Variants in ABCA13 observed in about 807,000 individuals in gnomAD.
ABCA13 encodes ATP-binding cassette sub-family A member 13.
A neutral mutation model predicts 478.7 loss-of-function variants in ABCA13; 476 were observed. That is an observed-to-expected ratio of 0.99 (90% CI 0.92 to 1.07). ABCA13 has a LOEUF of 1.07. Ranked by LOEUF, ABCA13 falls within the 50% of genes least tolerant of loss-of-function variation. ABCA13 has a pLI of 0.00. For missense variants in ABCA13, 6,060 were observed against 5,910.6 expected (o/e 1.03, Z -0.83); for synonymous variants, 2,252 against 2,158.9 (o/e 1.04, Z -1.20).
At chr7:48,623,322 G>T (rs1053285291) in intron 59 of ABCA13, among the ~76,000 whole-genome samples, 1 of 151,960 alleles carries the variant, frequency 6.6e-6, no homozygotes, top group African/African-American at 2.4e-5. Context: ...TTATTTCTTC[G>T]TTATCCTTTT....
chr7:48,500,680 C>T (rs2130807770), intron 48 of ABCA13, among the ~76,000 whole-genome samples: 1 of 152,254 alleles, frequency 6.6e-6, no homozygotes, highest in Admixed American at 6.5e-5. Flanking sequence ...TAAACCAAAA[C>T]ATTGCATGGG....
rs1455774083 is a variant in ABCA13 at position 48,370,598 on chromosome 7, A to T, written c.10804-1570A>T. Among the ~76,000 whole-genome samples the T allele has an allele frequency of 2.6e-5, 4 of 152,206 alleles. No individual in the cohort carries two copies. In the South Asian group the frequency reaches 8.3e-4, roughly 31 times the overall value. On this transcript the variant is annotated intron_variant, in intron 32 of 61. Transcript: ENST00000435803. ...AACTACAAAAAGAACACTCAAAACC[A>T]TGCAAATACATGGAAATTAAATAAC...
At chr7:48,431,342 A>AAACAACAACAACAAC (rs56675430) in intron 42 of ABCA13, among the ~76,000 whole-genome samples, 12 of 147,926 alleles carry the variant, frequency 8.1e-5, no homozygotes, top group African/African-American at 1.3e-4. Context: ...ATTCTGTCTC[A>AAACAACAACAACAAC]AACAACAACA....
intron 1 of ABCA13, 25 bp downstream of exon 1, chr7:48,171,577 T>A: frequency 4.6e-6 from 7 of 1,535,974 alleles, no homozygotes; most frequent in Non-Finnish European, 6.1e-6. Context: ...TGGTTTTCCA[T>A]AGGGTTCCAG....
intron 25 of ABCA13, among the ~76,000 whole-genome samples, chr7:48,313,753 T>A (rs1425944520): frequency 6.6e-6 from 1 of 152,176 alleles, no homozygotes; most frequent in Non-Finnish European, 1.5e-5. Context: ...GTGGAAATTT[T>A]AGGGTTGGAC....
chr7:48,447,553 C>T (rs1406742664), intron 42 of ABCA13, among the ~76,000 whole-genome samples: 1 of 152,134 alleles, frequency 6.6e-6, no homozygotes, highest in Non-Finnish European at 1.5e-5. Context: ...GAAAACTGCT[C>T]CTGAATGAGG....
At chr7:48,196,849 C>A (rs1162691171) in intron 2 of ABCA13, among the ~76,000 whole-genome samples, 1 of 152,162 alleles carries the variant, frequency 6.6e-6, no homozygotes, top group Non-Finnish European at 1.5e-5. Flanking sequence ...GGAAGATGTT[C>A]TGTGCCTGTC....
intron 3 of ABCA13, among the ~76,000 whole-genome samples, chr7:48,203,835 C>G (rs960832668): frequency 1.2e-4 from 19 of 152,260 alleles, no homozygotes; most frequent in Non-Finnish European, 2.1e-4. Flanking sequence ...GTCTACAGCA[C>G]CCGGTGCCTT....
chr7:48,574,829 G>T (rs1255505550), intron 55 of ABCA13, among the ~76,000 whole-genome samples: 3 of 152,026 alleles, frequency 2.0e-5, no homozygotes, highest in South Asian at 2.1e-4. Context: ...TTTGGGATTT[G>T]AATCTTTAAT....
chr7:48,356,474 C>G (rs987694098), intron 31 of ABCA13, among the ~76,000 whole-genome samples: 13 of 151,210 alleles, frequency 8.6e-5, no homozygotes, highest in Admixed American at 8.6e-4. Context: ...GGGGGGACAG[C>G]TGTGTCCTGA....
chr7:48,499,620 G>A (rs1300056758), intron 48 of ABCA13, among the ~76,000 whole-genome samples: 1 of 152,040 alleles, frequency 6.6e-6, no homozygotes, highest in Non-Finnish European at 1.5e-5. Flanking sequence ...ACATTGCTGT[G>A]GGCCAATTCC....
At position 48,378,835 on chromosome 7, in the gene ABCA13, G is replaced by C. The variant is rs1476736202; in HGVS notation, c.11335+2263G>C. Among the ~76,000 whole-genome samples the C allele has an allele frequency of 2.0e-5, 3 of 152,168 alleles. No homozygotes were observed. The South Asian group carries it at 6.2e-4, about 32-fold the overall frequency. On this transcript the variant is annotated intron_variant, in intron 35 of 61. Coordinates refer to ENST00000435803, the MANE Select transcript of ABCA13 (RefSeq NM_152701.5). ...CCATGTTTTCATCAAGCCATACAAA[G>C]TATTCTGTGACCTCTAATGAGTTAT...
intron 41 of ABCA13, among the ~76,000 whole-genome samples, chr7:48,426,677 T>C (rs1585272383): frequency 6.6e-6 from 1 of 151,680 alleles, no homozygotes; most frequent in African/African-American, 2.4e-5. Context: ...GAGGAAGGGG[T>C]GATGGAAGCA....
At chr7:48,319,821 T>C (rs1181283643) in intron 27 of ABCA13, among the ~76,000 whole-genome samples, 3 of 152,190 alleles carry the variant, frequency 2.0e-5, no homozygotes, top group African/African-American at 7.2e-5. Context: ...CTCCTCTATC[T>C]GTGAAATGAA....
In ABCA13 at chr7:48,275,404, T is replaced by C. The variant is rs1439839089; in HGVS notation, c.5738T>C (p.Leu1913Pro). ...LSEVFHVNIS[L>P]VKTVQKFWHK... Reference sequence around the variant, plus strand: ...GAAGTCTTCCATGTTAACATTTCTCTTGTGAAAACTGTGCAGAAATTTTGG... The same window carrying C: ...GAAGTCTTCCATGTTAACATTTCTCCTGTGAAAACTGTGCAGAAATTTTGG... The change falls in exon 17 of 62, where the codon CTT becomes CCT. Residue 1913 changes from leucine (L) to proline (P), a missense_variant. Physicochemically the swap from Leu to Pro is moderately conservative, Grantham distance 98. Coordinates refer to ENST00000435803, the MANE Select transcript of ABCA13 (RefSeq NM_152701.5). The C allele has an allele frequency of 6.2e-7, 1 of 1,613,972 alleles. No homozygotes were observed. Among genetic ancestry groups the C allele is most frequent in the Admixed American group, 1.7e-5 (1 of 60,024 alleles).
chr7:48,445,883 C>T (rs34222830), intron 42 of ABCA13, among the ~76,000 whole-genome samples: 45,184 of 151,852 alleles, frequency 0.3, 6,807 homozygotes, highest in East Asian at 0.37. Flanking sequence ...GAAGGGACAC[C>T]TGCATATCAA....
rs770495996 is a variant in ABCA13 at position 48,274,731 on chromosome 7, C to A, written c.5065C>A (p.Leu1689Ile). 1 of 1,613,950 alleles carries A rather than the reference C, an allele frequency of 6.2e-7. No homozygotes were observed. Among genetic ancestry groups the A allele is most frequent in the Non-Finnish European group, 8.5e-7 (1 of 1,179,844 alleles). ...TCAGCTTGAACAAGTTAGTGTAAAC[C>A]TAATGGATTTCTTTAAGAATATCAG... The part of the protein sequence containing the change: ...VDQLEQVSVN[L>I]MDFFKNISSV... The change falls in exon 17 of 62, where the codon CTA (leucine) becomes ATA (isoleucine). Residue 1689 changes from leucine to isoleucine, a missense_variant. Transcript: ENST00000435803.
At chr7:48,303,426 A>G (rs1251726714) in intron 23 of ABCA13, among the ~76,000 whole-genome samples, 3 of 152,130 alleles carry the variant, frequency 2.0e-5, no homozygotes, top group Admixed American at 6.5e-5. Context: ...TATGTCCAGA[A>G]TAGTATTACC....
intron 55 of ABCA13, among the ~76,000 whole-genome samples, chr7:48,552,140 T>G (rs1785383851): frequency 1.3e-5 from 2 of 151,838 alleles, no homozygotes; most frequent in Admixed American, 6.6e-5. Context: ...CCTTACTAAT[T>G]TTAACCTATT....
Sources: allele counts gnomAD v4.1 joint callset (sites outside exome capture counted in the v4.1 genomes callset), GRCh38; gene constraint gnomAD v4.1.1; transcripts MANE v1.5; gene names NCBI Gene and HGNC (gene_info 2026-07-23, HGNC 2026-07-21).